Variants in HTR1F observed in about 807,000 individuals in gnomAD.
The protein encoded by HTR1F is 5-hydroxytryptamine receptor 1F, also known as 5-hydroxytryptamine (serotonin) receptor 1F, G protein-coupled.
In HTR1F, 17 loss-of-function variants were observed where a neutral mutation model predicts 24.0. The observed-to-expected ratio is 0.71, with a 90% CI of 0.48 to 1.06. The LOEUF is 1.06. Among genes scored for constraint, HTR1F ranks in the 50% least tolerant of loss-of-function variants. The pLI, the probability that HTR1F is intolerant of heterozygous loss-of-function variation, is 0.00. For synonymous variants in HTR1F, 186 were observed against 156.8 expected (o/e 1.19, Z -1.39); for missense variants, 391 against 427.8 (o/e 0.91, Z 0.76).
chr3:87,833,967 T>G (rs985801981), intron 2 of HTR1F, among the ~76,000 whole-genome samples: 2 of 152,216 alleles, frequency 1.3e-5, no homozygotes, highest in Non-Finnish European at 2.9e-5. Flanking sequence ...AAAGAAAAAT[T>G]ATCTTGTTGT....
At chr3:87,851,676 G>A (rs1705089603) in intron 2 of HTR1F, among the ~76,000 whole-genome samples, 1 of 151,510 alleles carries the variant, frequency 6.6e-6, no homozygotes, top group Non-Finnish European at 1.5e-5. Flanking sequence ...TTTTTACAAT[G>A]AGGCAGTTAA....
At chr3:87,962,271 A>T (rs2107480870) in intron 2 of HTR1F, among the ~76,000 whole-genome samples, 1 of 152,262 alleles carries the variant, frequency 6.6e-6, no homozygotes, top group African/African-American at 2.4e-5. Flanking sequence ...AAAACTAAAA[A>T]GCAAATCTTA....
intron 2 of HTR1F, among the ~76,000 whole-genome samples, chr3:87,840,195 T>C (rs988371827): frequency 6.6e-6 from 1 of 152,190 alleles, no homozygotes; most frequent in African/African-American, 2.4e-5. Flanking sequence ...CACTTTTTAA[T>C]AGGGTTATTT....
chr3:87,894,593 G>T (rs1706159416), intron 2 of HTR1F, among the ~76,000 whole-genome samples: 1 of 124,250 alleles, frequency 8.0e-6, no homozygotes, highest in Admixed American at 9.3e-5. Context: ...TTGAGACAGA[G>T]TCTCTCTCTG....
chr3:87,881,931 A>C (rs1705812714), intron 2 of HTR1F, among the ~76,000 whole-genome samples: 1 of 152,196 alleles, frequency 6.6e-6, no homozygotes, highest in Non-Finnish European at 1.5e-5. Flanking sequence ...CAACCCACAA[A>C]ATGGGAGAAA....
intron 2 of HTR1F, among the ~76,000 whole-genome samples, chr3:87,957,543 T>C (rs1408484592): frequency 6.6e-6 from 1 of 151,416 alleles, no homozygotes; most frequent in Non-Finnish European, 1.5e-5. Flanking sequence ...GCTTCTTTTT[T>C]AACTATTTGA....
At chr3:87,810,608 C>T (rs1704144102) in intron 1 of HTR1F, among the ~76,000 whole-genome samples, 1 of 152,066 alleles carries the variant, frequency 6.6e-6, no homozygotes, top group African/African-American at 2.4e-5. Flanking sequence ...TATTTCCATC[C>T]TCTGTGGCTT....
chr3:87,975,268 G>T (rs1416436503), intron 2 of HTR1F, among the ~76,000 whole-genome samples: 3 of 151,268 alleles, frequency 2.0e-5, no homozygotes, highest in Non-Finnish European at 2.9e-5. Flanking sequence ...TCTCCAAAAA[G>T]GAGAAAAAAA....
intron 2 of HTR1F, among the ~76,000 whole-genome samples, chr3:87,947,853 A>T (rs1704745675): frequency 6.6e-6 from 1 of 152,164 alleles, no homozygotes; most frequent in Non-Finnish European, 1.5e-5. Context: ...TGAAATGCTA[A>T]TATATCTTTC....
At chr3:87,930,658 C>G (rs1704240426) in intron 2 of HTR1F, among the ~76,000 whole-genome samples, 1 of 152,036 alleles carries the variant, frequency 6.6e-6, no homozygotes, top group South Asian at 2.1e-4. Flanking sequence ...GGTGAATAAA[C>G]TTTTTTATGT....
chr3:87,987,766 G>A lies in HTR1F; in HGVS notation c.-42-2942G>A, dbSNP rs866317901. ...TATAAAATATATGTATTATATATAT[G>A]TATTTTATATATGTATTTTATATAT... is the stretch of plus-strand genomic sequence containing the variant. On this transcript the variant is annotated intron_variant, in intron 2 of 2. Coordinates refer to ENST00000319595, the MANE Select transcript of HTR1F (RefSeq NM_001322209.2). Among the ~76,000 whole-genome samples, 8 of 121,958 alleles carry A rather than the reference G, an allele frequency of 6.6e-5. 1 individual carries two copies. The highest frequency in any genetic ancestry group is 1.0e-4 in the Non-Finnish European group (6 of 58,800). 80.0% of individuals were successfully genotyped at this position (121,958 alleles called of 152,430 possible). A position where few individuals can be genotyped will look rare whatever the true frequency, so the allele number is the denominator to read the frequency against.
At chr3:87,888,928 G>C (rs1209247388) in intron 2 of HTR1F, among the ~76,000 whole-genome samples, 1 of 152,186 alleles carries the variant, frequency 6.6e-6, no homozygotes, top group African/African-American at 2.4e-5. Context: ...TCCAATTCTT[G>C]TGTTGAAATC....
At chr3:87,946,851 T>A (rs923417942) in intron 2 of HTR1F, among the ~76,000 whole-genome samples, 3 of 151,944 alleles carry the variant, frequency 2.0e-5, no homozygotes, top group Admixed American at 2.0e-4. Flanking sequence ...GGTCTTGATC[T>A]CCTGACCTCA....
chr3:87,828,184 A>G (rs1420654044), intron 2 of HTR1F, among the ~76,000 whole-genome samples: 1 of 152,184 alleles, frequency 6.6e-6, no homozygotes, highest in African/African-American at 2.4e-5. Flanking sequence ...AATTTATAGC[A>G]TGTCTCTGCA....
chr3:87,989,265 A>T (rs1249746844), intron 2 of HTR1F, among the ~76,000 whole-genome samples: 1 of 152,214 alleles, frequency 6.6e-6, no homozygotes, highest in Non-Finnish European at 1.5e-5. Flanking sequence ...CTTTTTCAGA[A>T]GCAAGGTAAC....
intron 2 of HTR1F, among the ~76,000 whole-genome samples, chr3:87,886,880 C>A (rs1299971771): frequency 1.3e-5 from 2 of 152,090 alleles, no homozygotes; most frequent in Non-Finnish European, 2.9e-5. Flanking sequence ...GAATCAATAT[C>A]GTGAAAATGG....
chr3:87,932,089 T>C (rs1308343336), intron 2 of HTR1F, among the ~76,000 whole-genome samples: 1 of 152,204 alleles, frequency 6.6e-6, no homozygotes, highest in East Asian at 1.9e-4. Context: ...TTGCCATTGC[T>C]TTTGGTGTTT....
At chr3:87,793,412 C>A (rs987831442) in intron 1 of HTR1F, 1 of 152,104 alleles carries the variant, frequency 6.6e-6, no homozygotes, top group East Asian at 1.9e-4. Context: ...CCCGCGGGTA[C>A]GAACCATTAA....
chr3:87,931,292 T>C (rs951653701), intron 2 of HTR1F, among the ~76,000 whole-genome samples: 5 of 151,920 alleles, frequency 3.3e-5, no homozygotes, highest in Middle Eastern at 3.4e-3. Flanking sequence ...AGTGAGAACA[T>C]GCGGTGTTTG....
Sources: allele counts gnomAD v4.1 joint callset (sites outside exome capture counted in the v4.1 genomes callset), GRCh38; gene constraint gnomAD v4.1.1; transcripts MANE v1.5; gene names NCBI Gene and HGNC (gene_info 2026-07-23, HGNC 2026-07-21).